Variants in ZCCHC10 observed in about 807,000 individuals in gnomAD.
ZCCHC10 encodes the protein zinc finger CCHC domain-containing protein 10.
In ZCCHC10, 16 loss-of-function variants were observed where a neutral mutation model predicts 19.5. The observed-to-expected ratio is 0.82, with a 90% confidence interval of 0.56 to 1.25. The LOEUF (loss-of-function observed/expected upper bound fraction) is 1.25, where lower values mean the gene tolerates loss of function less well. Ranked by LOEUF, ZCCHC10 falls within the 50% of genes most tolerant of loss-of-function variation. ZCCHC10 has a pLI of 0.00. For synonymous variants in ZCCHC10, 67 were observed against 72.5 expected (o/e 0.92, Z 0.38); for missense variants, 197 against 201.0 (o/e 0.98, Z 0.12).
At chr5:133,014,848 A>G (rs971652503) in intron 2 of ZCCHC10, among the ~76,000 whole-genome samples, 5 of 152,226 alleles carry the variant, frequency 3.3e-5, no homozygotes, top group Non-Finnish European at 5.9e-5. Context: ...ATAATGCGTG[A>G]TTACACAAGG....
chr5:133,006,718 C>T (rs1763142330), intron 3 of ZCCHC10, 41 bp downstream of exon 3: 3 of 1,546,700 alleles, frequency 1.9e-6, no homozygotes, highest in Non-Finnish European at 2.6e-6. Flanking sequence ...TCTATATACA[C>T]ATTAAAAAAA....
chr5:132,999,681 G>A (rs1450523982), intron 4 of ZCCHC10, among the ~76,000 whole-genome samples: 3 of 151,864 alleles, frequency 2.0e-5, no homozygotes, highest in East Asian at 1.9e-4. Context: ...GTTAAAAAAA[G>A]GAACTTATCA....
chr5:132,998,723 T>C lies in ZCCHC10; in HGVS notation c.439A>G (p.Ser147Gly), dbSNP rs534257509. 3 of 1,614,116 alleles carry C rather than the reference T, an allele frequency of 1.9e-6. No homozygotes were observed. Among genetic ancestry groups the C allele is most frequent in the Admixed American group, 1.7e-5 (1 of 59,986 alleles). Residue 147 changes from serine (S) to glycine (G), a missense_variant, in exon 5 of 5, where the codon AGT (serine) becomes GGT (glycine). Physicochemically the swap from Ser to Gly is moderately conservative, Grantham distance 56 (BLOSUM62 0). Coordinates refer to ENST00000509437, the MANE Select transcript of ZCCHC10 (RefSeq NM_001300816.3). Reference protein sequence around the residue: ...EDSDTDESSSSSSSSASSTTS... With the variant: ...EDSDTDESSSGSSSSASSTTS... ...GTGGAGGAGGCTGAGGATGAGGAACTAGAGGAGCTTTCATCAGTGTCACTG... is the reference window on the plus strand; with the variant it reads ...GTGGAGGAGGCTGAGGATGAGGAACCAGAGGAGCTTTCATCAGTGTCACTG...
At chr5:133,020,647 T>C (rs1454269988) in intron 2 of ZCCHC10, among the ~76,000 whole-genome samples, 1 of 148,594 alleles carries the variant, frequency 6.7e-6, no homozygotes, top group African/African-American at 2.5e-5. Flanking sequence ...AAAAGAGCTA[T>C]TAGAACTAAT....
At chr5:132,999,203 G>A (rs184722791) in intron 4 of ZCCHC10, among the ~76,000 whole-genome samples, 186 of 152,246 alleles carry the variant, frequency 1.2e-3, no homozygotes, top group African/African-American at 4.3e-3. Flanking sequence ...GATTACAGGC[G>A]TGAGCCACCG....
rs577619731 is a variant in ZCCHC10, at chr5:133,020,557, G to A, written c.107+2284C>T. Among the ~76,000 whole-genome samples, 20 of 150,500 alleles carry A rather than the reference G, an allele frequency of 1.3e-4. 1 individual carries two copies. The South Asian group carries it at 4.0e-3, about 30-fold the overall frequency. On this transcript the variant is annotated intron_variant, in intron 2 of 4. Coordinates refer to ENST00000509437, the MANE Select transcript of ZCCHC10 (RefSeq NM_001300816.3). ...AGAATCATTTGAGCCAGGAGTTCAA[G>A]GCTGCAACGAGATATGATCATACAA...
intron 2 of ZCCHC10, among the ~76,000 whole-genome samples, chr5:133,018,768 G>A (rs1267377454): frequency 1.3e-5 from 2 of 152,198 alleles, no homozygotes; most frequent in African/African-American, 4.8e-5. Flanking sequence ...ATGACTTAAA[G>A]ATTTGAGAAA....
intron 2 of ZCCHC10, among the ~76,000 whole-genome samples, chr5:133,013,281 A>C (rs34928053): frequency 3.4e-5 from 5 of 146,736 alleles, no homozygotes; most frequent in Non-Finnish European, 7.5e-5. Flanking sequence ...AAAAAAAGGG[A>C]CTAGGAAACA....
At chr5:133,018,710 C>T (rs554844604) in intron 2 of ZCCHC10, among the ~76,000 whole-genome samples, 45 of 152,246 alleles carry the variant, frequency 3.0e-4, no homozygotes, top group African/African-American at 4.3e-4. Flanking sequence ...GTCCAGCCTG[C>T]GCTGCATTTT....
At chr5:133,016,379 T>G (rs1763918888) in intron 2 of ZCCHC10, among the ~76,000 whole-genome samples, 1 of 152,214 alleles carries the variant, frequency 6.6e-6, no homozygotes, top group South Asian at 2.1e-4. Flanking sequence ...ATTTCACAGA[T>G]TTTTAAAATT....
At chr5:133,009,680 G>C (rs991399661) in intron 2 of ZCCHC10, among the ~76,000 whole-genome samples, 2 of 149,086 alleles carry the variant, frequency 1.3e-5, no homozygotes, top group African/African-American at 5.0e-5. Flanking sequence ...CTAGAATTAA[G>C]TCAACTTTTG....
rs895204943 is a variant in ZCCHC10 at position 133,008,999 on chromosome 5, G to A, written c.108-2079C>T. On this transcript the variant is annotated intron_variant, in intron 2 of 4. Transcript: ENST00000509437. ...CTGCACTTCAACTTGGGTGACAGAGGGAGATTCTCTTTTTTTTTTTTTTTA... is the reference window on the plus strand; with the variant it reads ...CTGCACTTCAACTTGGGTGACAGAGAGAGATTCTCTTTTTTTTTTTTTTTA... Among the ~76,000 whole-genome samples, 2 of 151,926 alleles carry A rather than the reference G, an allele frequency of 1.3e-5. 1 individual carries two copies. The highest frequency in any genetic ancestry group is 4.1e-4 in the South Asian group (2 of 4,822).
chr5:133,018,150 A>T (rs1467208114), intron 2 of ZCCHC10, among the ~76,000 whole-genome samples: 4 of 151,554 alleles, frequency 2.6e-5, no homozygotes, highest in African/African-American at 9.7e-5. Context: ...GTCTCAAAAA[A>T]AAAAAAAAAA....
intron 2 of ZCCHC10, among the ~76,000 whole-genome samples, chr5:133,021,859 T>C (rs541109949): frequency 1.1e-4 from 16 of 151,822 alleles, no homozygotes; most frequent in Admixed American, 1.1e-3. Context: ...AATGGTGTGA[T>C]CTCGGCTCAC....
At chr5:133,024,858 G>A (rs1037689309) in intron 1 of ZCCHC10, among the ~76,000 whole-genome samples, 12 of 151,694 alleles carry the variant, frequency 7.9e-5, no homozygotes, top group African/African-American at 2.9e-4. Flanking sequence ...AGCCAAGATC[G>A]CACCACTGCA....
chr5:133,011,025 C>A (rs1330702032), intron 2 of ZCCHC10, among the ~76,000 whole-genome samples: 1 of 152,114 alleles, frequency 6.6e-6, no homozygotes, highest in Non-Finnish European at 1.5e-5. Flanking sequence ...CTCCAGACCT[C>A]AAGTGATCCA....
At chr5:133,025,904 G>A (rs1453364396) in intron 1 of ZCCHC10, among the ~76,000 whole-genome samples, 1 of 152,198 alleles carries the variant, frequency 6.6e-6, no homozygotes, top group Non-Finnish European at 1.5e-5. Flanking sequence ...CTCTCTGAAA[G>A]CAAGGATTTT....
chr5:132,999,729 G>A (rs181875984), intron 4 of ZCCHC10, among the ~76,000 whole-genome samples: 1 of 152,268 alleles, frequency 6.6e-6, no homozygotes, highest in Non-Finnish European at 1.5e-5. Flanking sequence ...ATTGCAGTAA[G>A]AGGCTTCAGA....
chr5:133,021,099 T>C (rs1346367321), intron 2 of ZCCHC10, among the ~76,000 whole-genome samples: 1 of 152,200 alleles, frequency 6.6e-6, no homozygotes, highest in Non-Finnish European at 1.5e-5. Flanking sequence ...GGTTTCACTG[T>C]GTTAGCCAGG....
Sources: allele counts gnomAD v4.1 joint callset (sites outside exome capture counted in the v4.1 genomes callset), GRCh38; gene constraint gnomAD v4.1.1; transcripts MANE v1.5; gene names NCBI Gene and HGNC (gene_info 2026-07-23, HGNC 2026-07-21).